The following SGCZ variants were observed in gnomAD, a reference collection of about 807,000 sequenced individuals.
SGCZ encodes sarcoglycan zeta.
SGCZ carries 40 observed loss-of-function variants against 41.3 expected under a neutral mutation model. The ratio of observed to expected loss-of-function variants is 0.97; its 90% confidence interval spans 0.75 to 1.26. SGCZ has a LOEUF of 1.26. Among genes scored for constraint, SGCZ ranks in the 50% most tolerant of loss-of-function variants. The pLI is 0.00. For synonymous variants in SGCZ, 206 were observed against 137.5 expected (o/e 1.50, Z -3.49); for missense variants, 552 against 369.8 (o/e 1.49, Z -4.04).
chr8:14,637,996 G>A (rs1318719662), intron 1 of SGCZ, among the ~76,000 whole-genome samples: 2 of 151,702 alleles, frequency 1.3e-5, no homozygotes, highest in Admixed American at 1.3e-4. Context: ...TGACATTTTA[G>A]TAATAGTCAT....
chr8:14,102,395 A>C lies in SGCZ; in HGVS notation c.725T>G (p.Leu242Arg). 1 of 1,518,470 alleles carries C rather than the reference A, an allele frequency of 6.6e-7. No homozygotes were observed. The highest frequency in any genetic ancestry group is 8.9e-7 in the Non-Finnish European group (1 of 1,119,888). 94.1% of individuals were successfully genotyped at this position (1,518,470 alleles called of 1,614,324 possible). A position where few individuals can be genotyped will look rare whatever the true frequency, so the allele number is the denominator to read the frequency against. ...ACTCACCTCCCCTTCTGTAGATTGCAGATGGAGCTCCTTCCTGCAGGTGGC... is the reference window on the plus strand; with the variant it reads ...ACTCACCTCCCCTTCTGTAGATTGCCGATGGAGCTCCTTCCTGCAGGTGGC... The part of the protein sequence containing the change: ...FKATCRKELH[L>R]QSTEGEIFLN... Residue 242 changes from leucine to arginine, a missense_variant, in exon 7 of 8, where the codon CTG becomes CGG. Coordinates refer to ENST00000382080, the MANE Select transcript of SGCZ (RefSeq NM_139167.4).
chr8:14,928,921 C>G (rs1799844418), intron 1 of SGCZ, among the ~76,000 whole-genome samples: 1 of 151,982 alleles, frequency 6.6e-6, no homozygotes, highest in African/African-American at 2.4e-5. Flanking sequence ...TTATCAAATG[C>G]CTTTATTTGA....
chr8:14,510,660 A>G (rs1323844109), intron 2 of SGCZ, among the ~76,000 whole-genome samples: 2 of 152,214 alleles, frequency 1.3e-5, no homozygotes, highest in African/African-American at 2.4e-5. Context: ...GTAAGGGCAG[A>G]TATGAATGAA....
At chr8:14,405,584 T>C (rs1056174695) in intron 2 of SGCZ, among the ~76,000 whole-genome samples, 1 of 147,724 alleles carries the variant, frequency 6.8e-6, no homozygotes, top group Non-Finnish European at 1.5e-5. Flanking sequence ...ATGTTGTGGC[T>C]GATTTTTGCA....
intron 1 of SGCZ, among the ~76,000 whole-genome samples, chr8:14,688,517 T>C (rs1482794434): frequency 6.6e-6 from 1 of 152,156 alleles, no homozygotes; most frequent in African/African-American, 2.4e-5. Context: ...ATATGCAGCA[T>C]TATTTCTGAG....
chr8:14,291,039 A>G (rs1185373041), intron 3 of SGCZ, among the ~76,000 whole-genome samples: 6 of 152,104 alleles, frequency 3.9e-5, no homozygotes, highest in Non-Finnish European at 8.8e-5. Context: ...GTTTGCAGCA[A>G]CATGGATGAA....
At chr8:14,806,023 T>G (rs200811683) in intron 1 of SGCZ, among the ~76,000 whole-genome samples, 71 of 146,964 alleles carry the variant, frequency 4.8e-4, no homozygotes, top group South Asian at 1.5e-3. Context: ...AGATGTTCTT[T>G]GAAACCAACG....
At position 14,765,105 on chromosome 8, in the gene SGCZ, C is replaced by T. The variant is rs564178805; in HGVS notation, c.40-210179G>A. On this transcript the variant is annotated intron_variant, in intron 1 of 7. Transcript: ENST00000382080. ...TCACTTCTGATACTGTGGCCCAGAG[C>T]TCACAGTTTCCAACATGCTCCTGTG... is the stretch of plus-strand genomic sequence containing the variant. Among the ~76,000 whole-genome samples, 95 of 152,320 alleles carry T rather than the reference C, an allele frequency of 6.2e-4. 1 individual carries two copies. Among genetic ancestry groups the T allele is most frequent in the Middle Eastern group, 3.4e-3 (1 of 294 alleles).
intron 2 of SGCZ, among the ~76,000 whole-genome samples, chr8:14,453,705 G>C (rs758430554): frequency 6.6e-6 from 1 of 152,180 alleles, no homozygotes; most frequent in Non-Finnish European, 1.5e-5. Context: ...AGATTTTTCA[G>C]TTTGGGCAAA....
At chr8:14,588,838 CTGGGATT>C (rs914788139) in intron 1 of SGCZ, among the ~76,000 whole-genome samples, 1 of 152,104 alleles carries the variant, frequency 6.6e-6, no homozygotes, top group Admixed American at 6.6e-5. Context: ...AATTTACCCT[CTGGGATT>C]TGGTACACTC....
chr8:14,525,355 T>A (rs2117110867), intron 2 of SGCZ, among the ~76,000 whole-genome samples: 1 of 152,292 alleles, frequency 6.6e-6, no homozygotes, highest in South Asian at 2.1e-4. Context: ...AATAATGTTT[T>A]GTTCTGTCTT....
intron 1 of SGCZ, among the ~76,000 whole-genome samples, chr8:14,635,450 G>A (rs1312554994): frequency 2.0e-5 from 3 of 151,912 alleles, no homozygotes; most frequent in Non-Finnish European, 4.4e-5. Flanking sequence ...AAAGCCAAGT[G>A]TTATGTGACA....
intron 4 of SGCZ, among the ~76,000 whole-genome samples, chr8:14,226,977 C>A (rs1271812456): frequency 1.3e-5 from 2 of 152,078 alleles, no homozygotes; most frequent in African/African-American, 4.8e-5. Flanking sequence ...TGAAGGCTTT[C>A]TTCCCCAGAT....
intron 1 of SGCZ, among the ~76,000 whole-genome samples, chr8:14,913,185 T>C (rs1205117798): frequency 6.6e-6 from 1 of 152,072 alleles, no homozygotes; most frequent in Admixed American, 6.6e-5. Context: ...TTATTCAGCA[T>C]ATCCTTAGAA....
At chr8:14,204,227 T>C (rs1805545956) in intron 4 of SGCZ, among the ~76,000 whole-genome samples, 1 of 151,788 alleles carries the variant, frequency 6.6e-6, no homozygotes, top group Non-Finnish European at 1.5e-5. Context: ...GTGTCATATC[T>C]GTTGCTTAGA....
chr8:14,573,369 T>G (rs544683266), intron 1 of SGCZ, among the ~76,000 whole-genome samples: 214 of 151,640 alleles, frequency 1.4e-3, no homozygotes, highest in African/African-American at 4.9e-3. Flanking sequence ...GGCTAAATTT[T>G]TTTTGTATTT....
At chr8:14,101,104 C>CTGCCAAGATG (rs1563126361) in intron 7 of SGCZ, among the ~76,000 whole-genome samples, 1 of 151,824 alleles carries the variant, frequency 6.6e-6, no homozygotes, top group Non-Finnish European at 1.5e-5. Flanking sequence ...ATGAAAGCAT[C>CTGCCAAGATG]TGCCAAGATG....
intron 1 of SGCZ, among the ~76,000 whole-genome samples, chr8:14,608,756 G>A (rs988664092): frequency 2.6e-5 from 4 of 151,928 alleles, no homozygotes; most frequent in Non-Finnish European, 4.4e-5. Flanking sequence ...CAGGCCCCAC[G>A]TCCAACACTG....
intron 3 of SGCZ, among the ~76,000 whole-genome samples, chr8:14,283,291 T>C (rs891025361): frequency 2.6e-5 from 4 of 152,184 alleles, no homozygotes; most frequent in African/African-American, 9.6e-5. Flanking sequence ...TTCTGCTCAA[T>C]TAATTCTGAG....
Sources: gnomAD v4.1 joint callset for allele counts (sites outside exome capture counted in the v4.1 genomes callset) on GRCh38, gnomAD v4.1.1 for gene constraint, MANE v1.5 for transcripts, NCBI Gene and HGNC (gene_info 2026-07-23, HGNC 2026-07-21) for gene names.